The following SCAI variants were observed in gnomAD, a reference collection of about 807,000 sequenced individuals.
SCAI encodes suppressor of cancer cell invasion.
In SCAI, 24 loss-of-function variants were observed where a neutral mutation model predicts 92.2. The ratio of observed to expected loss-of-function variants is 0.26; its 90% CI spans 0.19 to 0.37. SCAI has a LOEUF of 0.37. SCAI is among the 10% of genes least tolerant of loss of function. The pLI is 1.00. For synonymous variants in SCAI, 261 were observed against 258.6 expected (o/e 1.01, Z -0.09); for missense variants, 450 against 736.2 (o/e 0.61, Z 4.50).
chr9:125,124,163 GA>G (rs1835214051), intron 2 of SCAI, among the ~76,000 whole-genome samples: 1 of 152,196 alleles, frequency 6.6e-6, no homozygotes, highest in African/African-American at 2.4e-5. Flanking sequence ...GGAGCACTCT[GA>G]AAAACCTGAA....
chr9:125,031,550 C>CT (rs1833074946), intron 3 of SCAI, among the ~76,000 whole-genome samples: 1 of 151,886 alleles, frequency 6.6e-6, no homozygotes, highest in Admixed American at 6.6e-5. Flanking sequence ...CGCCCGGCCA[C>CT]TTTTTTAAAA....
rs1333508938 is a variant in SCAI at position 124,944,265 on chromosome 9, A to G, written c.*8542T>C. 6.6e-6 allele frequency: 1 copy of G among 152,146 alleles called. No individual in the cohort carries two copies. The highest frequency in any genetic ancestry group is 1.9e-4 in the East Asian group (1 of 5,208). 9.4% of individuals were successfully genotyped at this position (152,146 alleles called of 1,614,324 possible). On this transcript the variant is annotated 3_prime_UTR_variant, in exon 18 of 18. Transcript: ENST00000336505. The stretch of plus-strand genomic sequence containing the variant: ...TTTAATGATACAGTAACAAGTTAAC[A>G]AAAACCATTCTTCAGGAAATAGTAA...
At chr9:125,022,863 T>C (rs376033480) in intron 6 of SCAI, among the ~76,000 whole-genome samples, 1 of 152,228 alleles carries the variant, frequency 6.6e-6, no homozygotes, top group Admixed American at 6.5e-5. Context: ...CTAATTATAC[T>C]TTTTGGAGTT....
intron 13 of SCAI, among the ~76,000 whole-genome samples, chr9:124,997,533 A>G (rs1009759564): frequency 1.3e-5 from 2 of 152,194 alleles, no homozygotes; most frequent in Admixed American, 6.5e-5. Context: ...GAAAAATTCT[A>G]GAGCCAATGA....
chr9:125,129,035 C>T (rs188083579), intron 2 of SCAI, among the ~76,000 whole-genome samples: 3 of 149,648 alleles, frequency 2.0e-5, no homozygotes, highest in Non-Finnish European at 4.5e-5. Context: ...TGCACTCCAG[C>T]CTAAGCAACA....
rs1371942390 is a variant in SCAI at position 124,946,220 on chromosome 9, T to C, written c.*6587A>G. The C allele has an allele frequency of 6.6e-6, 1 of 152,212 alleles. No homozygotes were observed. Among genetic ancestry groups the C allele is most frequent in the Non-Finnish European group, 1.5e-5 (1 of 68,026 alleles). The allele number at this position is 152,212 out of a possible 1,614,324, so 9.4% of individuals were successfully genotyped here. On this transcript the variant is annotated 3_prime_UTR_variant, in exon 18 of 18. Coordinates refer to ENST00000336505, the MANE Select transcript of SCAI (RefSeq NM_001144877.3). The surrounding 1 kb of genome is among the most constrained non-coding windows in gnomAD (Gnocchi z 4.0). ...TCAAACAACAAACCATCAGATCCTA[T>C]GGATGTTTTCACTGATTTTTCAGAA...
intron 2 of SCAI, among the ~76,000 whole-genome samples, chr9:125,088,528 T>C (rs888216268): frequency 2.6e-5 from 4 of 152,228 alleles, no homozygotes; most frequent in Non-Finnish European, 5.9e-5. Flanking sequence ...TCAGCCATGA[T>C]TCCTGTACAG....
chr9:125,124,852 C>G (rs1022060199), intron 2 of SCAI, among the ~76,000 whole-genome samples: 1 of 152,288 alleles, frequency 6.6e-6, no homozygotes, highest in African/African-American at 2.4e-5. Flanking sequence ...TGAGAGAGAG[C>G]AGGCAGAAGA....
At chr9:125,041,696 G>C (rs989668886) in intron 3 of SCAI, among the ~76,000 whole-genome samples, 4 of 152,124 alleles carry the variant, frequency 2.6e-5, no homozygotes, top group African/African-American at 9.7e-5. Flanking sequence ...GCTCCTAACA[G>C]TAAGCTGTAA....
chr9:124,949,699 C>T lies in SCAI; in HGVS notation c.*3108G>A, dbSNP rs1831203451. On this transcript the variant is annotated 3_prime_UTR_variant, in exon 18 of 18. Transcript: ENST00000336505. This position sits in a 1 kb window ranked among gnomAD's most constrained non-coding sequence, Gnocchi z 4.0. ...AAAAGATTTACCTTACCATAATCTA[C>T]ACTTTTCCATCCTACTTAACATTTT... 6.6e-6 allele frequency: 1 copy of T among 152,222 alleles called. No homozygotes were observed. The highest frequency in any genetic ancestry group is 6.5e-5 in the Admixed American group (1 of 15,284). 9.4% of individuals were successfully genotyped at this position (152,222 alleles called of 1,614,324 possible).
chr9:125,047,966 C>T (rs1341699173), intron 3 of SCAI, among the ~76,000 whole-genome samples: 1 of 151,662 alleles, frequency 6.6e-6, no homozygotes, highest in Admixed American at 6.6e-5. Context: ...TTCTATTAGT[C>T]ATTGATTTTC....
At chr9:125,018,577 A>G (rs1442950934) in intron 9 of SCAI, among the ~76,000 whole-genome samples, 2 of 152,098 alleles carry the variant, frequency 1.3e-5, no homozygotes, top group African/African-American at 2.4e-5. Context: ...TGGCAAGTTT[A>G]TTTTCATTTA....
intron 6 of SCAI, among the ~76,000 whole-genome samples, chr9:125,024,711 C>T (rs1213763778): frequency 6.6e-6 from 1 of 152,170 alleles, no homozygotes; most frequent in Non-Finnish European, 1.5e-5. Flanking sequence ...AGGTGGCTCA[C>T]CGTAACATCT....
At chr9:124,966,428 C>A (rs1436231753) in intron 17 of SCAI, among the ~76,000 whole-genome samples, 1 of 152,132 alleles carries the variant, frequency 6.6e-6, no homozygotes, top group Non-Finnish European at 1.5e-5. Context: ...ATCACAAGGA[C>A]AGTTATGATT....
At chr9:125,003,620 G>T (rs1347470129) in intron 9 of SCAI, 50 bp from the exon 10 acceptor site, 1 of 1,103,316 alleles carries the variant, frequency 9.1e-7, no homozygotes. Context: ...GCAACACGCA[G>T]ACTTTAAAGA....
intron 3 of SCAI, among the ~76,000 whole-genome samples, chr9:125,053,047 T>A (rs1833593198): frequency 6.6e-6 from 1 of 152,128 alleles, no homozygotes; most frequent in African/African-American, 2.4e-5. Flanking sequence ...ACCCAGGAAT[T>A]CTACTCCTTG....
chr9:125,055,765 GAAATTTATA>G (rs1833649771), intron 3 of SCAI, 102 bp downstream of exon 3: 1 of 798,416 alleles, frequency 1.3e-6, no homozygotes, highest in South Asian at 2.2e-5. Flanking sequence ...CTCTAATACA[GAAATTTATA>G]TGACATTCTA....
intron 14 of SCAI, among the ~76,000 whole-genome samples, chr9:124,979,671 T>A (rs1013299412): frequency 2.0e-5 from 3 of 152,250 alleles, no homozygotes; most frequent in Admixed American, 6.5e-5. Context: ...GCATTGGGAC[T>A]AGGCGGGAGG....
intron 2 of SCAI, among the ~76,000 whole-genome samples, chr9:125,097,872 ATTAT>A (rs1304182477): frequency 6.6e-6 from 1 of 151,762 alleles, no homozygotes; most frequent in Non-Finnish European, 1.5e-5. Context: ...CAACACCAAC[ATTAT>A]TTAAGAATGT....
Sources: allele counts gnomAD v4.1 joint callset (sites outside exome capture counted in the v4.1 genomes callset), GRCh38; gene constraint gnomAD v4.1.1; non-coding constraint Gnocchi (gnomAD v3.1); transcripts MANE v1.5; gene names NCBI Gene and HGNC (gene_info 2026-07-23, HGNC 2026-07-21).